Variants in TRMT11 observed in about 807,000 individuals in gnomAD.
TRMT11 encodes the protein tRNA methyltransferase 11, also known as tRNA (guanine(10)-N(2))-methyltransferase TRMT11.
A neutral mutation model predicts 62.8 loss-of-function variants in TRMT11; 53 were observed. The observed-to-expected ratio is 0.84, with a 90% CI of 0.68 to 1.06. The LOEUF is 1.06. TRMT11 is among the 50% of genes least tolerant of loss of function. TRMT11 has a pLI of 0.00. For missense variants in TRMT11, 556 were observed against 553.4 expected (o/e 1.00, Z -0.05); for synonymous variants, 188 against 190.3 (o/e 0.99, Z 0.10).
intron 21 of TRMT11, among the ~76,000 whole-genome samples, chr6:126,129,658 G>A (rs1472447529): frequency 6.6e-6 from 1 of 151,972 alleles, no homozygotes; most frequent in Non-Finnish European, 1.5e-5. Context: ...AAGTAGCTGG[G>A]ATGACAGGCA....
chr6:126,224,541 T>C, the TRMT11 span, among the ~76,000 whole-genome samples: 3,792 of 152,226 alleles, frequency 0.025, 173 homozygotes, highest in African/African-American at 0.086. Context: ...GTTTTCCTGG[T>C]CCTCTGGCAA....
At chr6:126,252,517 A>G in the TRMT11 span, among the ~76,000 whole-genome samples, 1 of 152,184 alleles carries the variant, frequency 6.6e-6, no homozygotes, top group Non-Finnish European at 1.5e-5. Flanking sequence ...AAGCAGTCAA[A>G]GTGTTTATCA....
intron 17 of TRMT11, among the ~76,000 whole-genome samples, chr6:126,112,684 A>T (rs980514769): frequency 4.6e-5 from 7 of 152,112 alleles, no homozygotes; most frequent in Admixed American, 3.3e-4. Flanking sequence ...CTTGGCTGCT[A>T]GCTAACTCTG....
chr6:126,258,158 G>A, the TRMT11 span: 1 of 749,794 alleles, frequency 1.3e-6, no homozygotes, highest in Non-Finnish European at 2.5e-6. Context: ...CCTCCAGGTT[G>A]AGGCACTTTG....
intron 21 of TRMT11, among the ~76,000 whole-genome samples, chr6:126,168,971 A>G (rs1047867604): frequency 1.3e-5 from 2 of 152,238 alleles, no homozygotes; most frequent in Non-Finnish European, 2.9e-5. Context: ...AAAATGCAGG[A>G]TCTAAAACAG....
chr6:126,021,249 T>C lies in TRMT11; in HGVS notation c.1229T>C (p.Leu410Ser), dbSNP rs377040158. The change falls in exon 12 of 13, where the codon TTG becomes TCG. Residue 410 changes from leucine (L) to serine (S), a missense_variant. Leu to Ser is a moderately radical substitution (Grantham distance 145). Coordinates refer to ENST00000334379, the MANE Select transcript of TRMT11 (RefSeq NM_001031712.3). ...QKLSSHTSRR[L>S]ITMEKVKKFE... Reference sequence around the variant, plus strand: ...CTTTCCAGTCACACATCAAGGCGCTTGATCACAATGGAAAAGGTGAAGAAA... The same window carrying C: ...CTTTCCAGTCACACATCAAGGCGCTCGATCACAATGGAAAAGGTGAAGAAA... The C allele has an allele frequency of 1.8e-5, 29 of 1,614,076 alleles. No individual in the cohort carries two copies. Among genetic ancestry groups the C allele is most frequent in the Non-Finnish European group, 2.3e-5 (27 of 1,180,008 alleles).
chr6:126,237,218 G>T, the TRMT11 span, among the ~76,000 whole-genome samples: 1 of 152,258 alleles, frequency 6.6e-6, no homozygotes, highest in African/African-American at 2.4e-5. Flanking sequence ...AACTATGTTA[G>T]ATCCTTGTAT....
downstream of TRMT11, among the ~76,000 whole-genome samples, chr6:126,044,154 C>G (rs969193750): frequency 4.9e-4 from 74 of 151,958 alleles, no homozygotes; most frequent in African/African-American, 1.8e-3. Context: ...AATGGTAATG[C>G]CTAGGTTTTC....
At chr6:126,222,587 A>G in the TRMT11 span, among the ~76,000 whole-genome samples, 1 of 151,216 alleles carries the variant, frequency 6.6e-6, no homozygotes, top group African/African-American at 2.4e-5. Context: ...TTTTTTGGCT[A>G]TCGTGAATGG....
At chr6:126,237,204 A>G in the TRMT11 span, among the ~76,000 whole-genome samples, 2 of 152,136 alleles carry the variant, frequency 1.3e-5, no homozygotes, top group Non-Finnish European at 2.9e-5. Context: ...TCAGTGCCCT[A>G]TAAAACTATG....
intron 8 of TRMT11, among the ~76,000 whole-genome samples, chr6:126,009,145 C>G (rs1250472597): frequency 6.6e-6 from 1 of 151,778 alleles, no homozygotes; most frequent in Non-Finnish European, 1.5e-5. Flanking sequence ...AGATTATCAC[C>G]ACTCATTTAA....
chr6:126,244,577 G>T, the TRMT11 span, among the ~76,000 whole-genome samples: 1 of 152,280 alleles, frequency 6.6e-6, no homozygotes, highest in South Asian at 2.1e-4. Flanking sequence ...CCAAAACAAA[G>T]GTCAGACTGT....
intron 3 of TRMT11, among the ~76,000 whole-genome samples, chr6:126,200,205 C>T (rs1778718946): frequency 6.6e-6 from 1 of 152,142 alleles, no homozygotes; most frequent in Non-Finnish European, 1.5e-5. Flanking sequence ...GAAATACTCT[C>T]CCAGTGGAGG....
At chr6:125,996,158 A>G (rs199501975) in intron 3 of TRMT11, 118 bp downstream of exon 3, 1 of 615,550 alleles carries the variant, frequency 1.6e-6, no homozygotes, top group Non-Finnish European at 2.8e-6. Flanking sequence ...GTTACATACA[A>G]CTGCCACTGG....
intron 8 of TRMT11, chr6:126,009,311 A>G (rs1211142919): frequency 6.6e-6 from 1 of 151,974 alleles, no homozygotes; most frequent in Non-Finnish European, 1.5e-5. Flanking sequence ...AGTACTTGAA[A>G]CAGTCATCTG....
chr6:126,012,720 C>A, intron 9 of TRMT11, 51 bp from the exon 10 acceptor site: 1 of 1,436,930 alleles, frequency 7.0e-7, no homozygotes, highest in South Asian at 1.2e-5. Context: ...TGCCCTTGAT[C>A]CATGATTTGG....
At chr6:126,100,700 A>T (rs377278239) in intron 17 of TRMT11, among the ~76,000 whole-genome samples, 1 of 152,210 alleles carries the variant, frequency 6.6e-6, no homozygotes, top group South Asian at 2.1e-4. Context: ...TGTGGAAGGT[A>T]ATTTTTCCAC....
intron 17 of TRMT11, among the ~76,000 whole-genome samples, chr6:126,081,841 C>T (rs1197987698): frequency 6.6e-6 from 1 of 152,104 alleles, no homozygotes; most frequent in African/African-American, 2.4e-5. Context: ...ATAATATGTG[C>T]ATAGCAAATA....
the TRMT11 span, among the ~76,000 whole-genome samples, chr6:126,247,471 A>G: frequency 6.9e-6 from 1 of 144,992 alleles, no homozygotes; most frequent in African/African-American, 2.6e-5. Context: ...CTATCTATCT[A>G]TCTATCTATC....
Sources: gnomAD v4.1 joint callset for allele counts (sites outside exome capture counted in the v4.1 genomes callset) on GRCh38, gnomAD v4.1.1 for gene constraint, MANE v1.5 for transcripts, NCBI Gene and HGNC (gene_info 2026-07-23, HGNC 2026-07-21) for gene names.